The following MAOA variants were observed in gnomAD, a reference collection of about 807,000 sequenced individuals.
MAOA encodes monoamine oxidase A, also known as amine oxidase [flavin-containing] A.
In MAOA, 6 loss-of-function variants were observed where a neutral mutation model predicts 42.0. The observed-to-expected ratio is 0.14, with a 90% CI of 0.08 to 0.28. MAOA has a LOEUF of 0.28. MAOA is among the 10% of genes least tolerant of loss of function. The probability of loss-of-function intolerance (pLI) is 1.00; values close to 1 mark genes in which losing one functional copy is unlikely to be tolerated. For synonymous variants in MAOA, 140 were observed against 154.0 expected (o/e 0.91, Z 0.67); for missense variants, 262 against 422.3 (o/e 0.62, Z 3.33).
chrX:43,695,988 C>T (rs954384869), intron 3 of MAOA, among the ~76,000 whole-genome samples: 1 of 111,740 alleles, frequency 8.9e-6, no homozygotes, highest in Admixed American at 9.5e-5. Context: ...TTTCTGATGT[C>T]TCTGAAATTT....
intron 1 of MAOA, among the ~76,000 whole-genome samples, chrX:43,677,935 A>T (rs1306698876): frequency 8.9e-6 from 1 of 111,852 alleles, no homozygotes; most frequent in Non-Finnish European, 1.9e-5. Context: ...TCTCAAAAAC[A>T]TGGGTGAGAG....
At chrX:43,731,876 T>A in intron 8 of MAOA, 23 bp downstream of exon 8, 4 of 1,158,047 alleles carry the variant, frequency 3.5e-6, no homozygotes, top group Non-Finnish European at 4.7e-6. Context: ...TATTCATGTT[T>A]AAACTGTATT....
intron 3 of MAOA, among the ~76,000 whole-genome samples, chrX:43,694,079 C>G (rs1399507182): frequency 9.0e-6 from 1 of 111,617 alleles, no homozygotes; most frequent in East Asian, 2.8e-4. Flanking sequence ...CAGTGTTTTT[C>G]TTTCTCACTG....
intron 2 of MAOA, among the ~76,000 whole-genome samples, chrX:43,692,389 GTA>G (rs1161465648): frequency 9.0e-6 from 1 of 110,991 alleles, no homozygotes; most frequent in East Asian, 2.8e-4. Context: ...ACTGAAAATG[GTA>G]TAAAGTTATC....
chrX:43,725,365 A>G (rs2033823615), intron 5 of MAOA, among the ~76,000 whole-genome samples: 1 of 112,057 alleles, frequency 8.9e-6, no homozygotes, highest in South Asian at 3.7e-4. Context: ...TATTGGGTGC[A>G]TATGTATTTA....
At chrX:43,731,978 A>G in intron 8 of MAOA, 125 bp downstream of exon 8, 1 of 706,184 alleles carries the variant, frequency 1.4e-6, no homozygotes. Flanking sequence ...AGGATTAGAA[A>G]TCTTGGTCTG....
rs111413664 is a variant in MAOA, at chrX:43,694,741, T to G, written c.306+1313T>G. 1.8e-3 allele frequency among the ~76,000 whole-genome samples: 197 copies of G among 112,026 alleles called. 2 individuals are homozygous for G. Among genetic ancestry groups the G allele is most frequent in the Non-Finnish European group, 3.2e-3 (170 of 53,240 alleles). On this transcript the variant is annotated intron_variant, in intron 3 of 14. Transcript: ENST00000338702. ...AATAGCTGCTAACATTTATTAAGCA[T>G]TTTTACCTGTATTCTCACATTTAAT... is the stretch of plus-strand genomic sequence containing the variant.
chrX:43,739,955 G>A (rs190762586), intron 10 of MAOA, among the ~76,000 whole-genome samples: 3,768 of 112,005 alleles, frequency 0.034, 74 homozygotes, highest in Non-Finnish European at 0.053. Flanking sequence ...GTTTCAAAAA[G>A]AGTTTATATA....
chrX:43,725,806 G>A (rs986225266), intron 5 of MAOA, among the ~76,000 whole-genome samples: 3 of 111,953 alleles, frequency 2.7e-5, no homozygotes, highest in Non-Finnish European at 5.6e-5. Flanking sequence ...GCAGTGGCTG[G>A]TACTGGTTGT....
chrX:43,659,870 C>T (rs2033218390), intron 1 of MAOA, among the ~76,000 whole-genome samples: 6 of 111,226 alleles, frequency 5.4e-5, no homozygotes, highest in Admixed American at 4.8e-4. Context: ...TATCTCTCTT[C>T]TCCTTTCTCT....
intron 7 of MAOA, 87 bp downstream of exon 7, chrX:43,731,477 A>G: frequency 9.9e-6 from 10 of 1,008,906 alleles, no homozygotes; most frequent in Non-Finnish European, 1.4e-5. Flanking sequence ...AAGCAGTAGC[A>G]TAATTAATGC....
At chrX:43,677,186 G>A (rs1245832989) in intron 1 of MAOA, among the ~76,000 whole-genome samples, 2 of 111,604 alleles carry the variant, frequency 1.8e-5, no homozygotes, top group Admixed American at 1.9e-4. Context: ...TTATGCCCTG[G>A]GAAGCAAAGG....
chrX:43,706,302 G>C (rs1328896639), intron 3 of MAOA, among the ~76,000 whole-genome samples: 3 of 111,773 alleles, frequency 2.7e-5, no homozygotes, highest in African/African-American at 9.8e-5. Flanking sequence ...CACACTTCCT[G>C]TTTCTCCTGA....
At chrX:43,695,482 G>T (rs2033571450) in intron 3 of MAOA, among the ~76,000 whole-genome samples, 1 of 111,775 alleles carries the variant, frequency 8.9e-6, no homozygotes, top group Non-Finnish European at 1.9e-5. Context: ...TGTAATCCCA[G>T]CCCTTTGGGA....
chrX:43,697,435 T>G (rs1414960018), intron 3 of MAOA, among the ~76,000 whole-genome samples: 1 of 112,202 alleles, frequency 8.9e-6, no homozygotes, highest in Non-Finnish European at 1.9e-5. Context: ...CCTTGGTTAT[T>G]GTTTGATGGA....
intron 8 of MAOA, 53 bp downstream of exon 8, chrX:43,731,906 T>C: frequency 9.4e-7 from 1 of 1,060,097 alleles, no homozygotes; most frequent in Non-Finnish European, 1.3e-6. Flanking sequence ...AATCACAGTC[T>C]TTTAGGATTA....
At chrX:43,729,913 G>A (rs945996466) in intron 6 of MAOA, among the ~76,000 whole-genome samples, 1 of 111,384 alleles carries the variant, frequency 9.0e-6, no homozygotes, top group Non-Finnish European at 1.9e-5. Context: ...GAATCTTCTG[G>A]CTGGGCGCGG....
At chrX:43,737,508 A>G (rs1339027404) in intron 10 of MAOA, among the ~76,000 whole-genome samples, 1 of 112,026 alleles carries the variant, frequency 8.9e-6, no homozygotes, top group African/African-American at 3.2e-5. Context: ...CGTAGGTAGC[A>G]CTTTCTCATG....
At chrX:43,662,289 CTA>C (rs1314725034) in intron 1 of MAOA, among the ~76,000 whole-genome samples, 2 of 111,224 alleles carry the variant, frequency 1.8e-5, no homozygotes, top group Non-Finnish European at 3.8e-5. Flanking sequence ...AAAAAATAAA[CTA>C]GGGTGTTTTT....
Sources: gnomAD v4.1 joint callset for allele counts (sites outside exome capture counted in the v4.1 genomes callset) on GRCh38, gnomAD v4.1.1 for gene constraint, MANE v1.5 for transcripts, NCBI Gene and HGNC (gene_info 2026-07-23, HGNC 2026-07-21) for gene names.